The following PTPRM variants were observed in gnomAD, a reference collection of about 807,000 sequenced individuals.
PTPRM encodes receptor-type tyrosine-protein phosphatase mu.
PTPRM carries 47 observed loss-of-function variants against 186.7 expected under a neutral mutation model. That is an observed-to-expected ratio of 0.25 (90% CI 0.20 to 0.32). The LOEUF is 0.32. PTPRM is among the 10% of genes least tolerant of loss of function. The pLI is 1.00. For synonymous variants in PTPRM, 668 were observed against 674.9 expected (o/e 0.99, Z 0.16); for missense variants, 1,494 against 1,865.0 (o/e 0.80, Z 3.66).
chr18:8,133,230 A>G (rs113432522), intron 13 of PTPRM, among the ~76,000 whole-genome samples: 19 of 152,292 alleles, frequency 1.2e-4, no homozygotes, highest in Non-Finnish European at 2.6e-4. Context: ...CTAAATTTGC[A>G]ACATGAATTT....
intron 13 of PTPRM, among the ~76,000 whole-genome samples, chr18:8,137,492 C>T (rs1180005889): frequency 6.6e-6 from 1 of 152,180 alleles, no homozygotes; most frequent in Non-Finnish European, 1.5e-5. Context: ...GGGCAGTAGC[C>T]TTCCCATGGC....
chr18:7,812,676 A>G (rs1219724682), intron 2 of PTPRM, among the ~76,000 whole-genome samples: 5 of 152,022 alleles, frequency 3.3e-5, no homozygotes, highest in African/African-American at 9.7e-5. Context: ...TAAAATATCT[A>G]CTTGCCAACT....
intron 7 of PTPRM, among the ~76,000 whole-genome samples, chr18:8,037,028 T>C (rs1274126231): frequency 6.6e-6 from 1 of 152,166 alleles, no homozygotes; most frequent in Non-Finnish European, 1.5e-5. Context: ...AAAGAAATCA[T>C]TCCCTAAGCA....
intron 7 of PTPRM, among the ~76,000 whole-genome samples, chr18:8,052,780 A>G (rs1308988101): frequency 2.0e-5 from 3 of 152,206 alleles, no homozygotes; most frequent in African/African-American, 7.2e-5. Flanking sequence ...TAGTGGCTGT[A>G]CCAATCCCAC....
At chr18:8,152,710 C>T (rs1427572026) in intron 14 of PTPRM, among the ~76,000 whole-genome samples, 3 of 130,070 alleles carry the variant, frequency 2.3e-5, no homozygotes, top group African/African-American at 8.7e-5. Context: ...TATGCCTCAC[C>T]TCTTTTTTTT....
intron 23 of PTPRM, among the ~76,000 whole-genome samples, chr18:8,345,903 G>A (rs2095502178): frequency 6.6e-6 from 1 of 152,030 alleles, no homozygotes; most frequent in Non-Finnish European, 1.5e-5. Flanking sequence ...TAAGGAATAG[G>A]ATAGGAAAAT....
intron 1 of PTPRM, among the ~76,000 whole-genome samples, chr18:7,694,923 A>G (rs762858027): frequency 3.3e-5 from 5 of 152,252 alleles, no homozygotes; most frequent in Non-Finnish European, 5.9e-5. Flanking sequence ...TTGAAGGCTT[A>G]CTGACGACTT....
At chr18:8,274,138 T>C (rs766405824) in intron 19 of PTPRM, among the ~76,000 whole-genome samples, 1 of 152,176 alleles carries the variant, frequency 6.6e-6, no homozygotes, top group African/African-American at 2.4e-5. Context: ...GACTAAATCT[T>C]GTATAGAGTT....
At chr18:8,127,141 A>C (rs1426836922) in intron 13 of PTPRM, among the ~76,000 whole-genome samples, 2 of 152,156 alleles carry the variant, frequency 1.3e-5, no homozygotes, top group Non-Finnish European at 2.9e-5. Context: ...GAAATGGAAG[A>C]CTGTCCAACA....
chr18:8,207,932 T>C (rs926155050), intron 14 of PTPRM, among the ~76,000 whole-genome samples: 6 of 152,230 alleles, frequency 3.9e-5, no homozygotes, highest in Non-Finnish European at 8.8e-5. Context: ...GAAAAATGTT[T>C]GGCAGTTTGA....
At chr18:8,394,416 G>T in intron 31 of PTPRM, 60 bp from the exon 32 acceptor site, 1 of 1,517,468 alleles carries the variant, frequency 6.6e-7, no homozygotes, top group South Asian at 1.3e-5. Context: ...TTCCACAGGT[G>T]TTTGCAAGAT....
intron 1 of PTPRM, among the ~76,000 whole-genome samples, chr18:7,580,237 G>A (rs1321396550): frequency 3.9e-5 from 6 of 152,252 alleles, no homozygotes; most frequent in African/African-American, 1.4e-4. Context: ...TTGGATCATT[G>A]GGTCATTTTT....
At chr18:7,779,772 T>A (rs986146146) in intron 2 of PTPRM, among the ~76,000 whole-genome samples, 2 of 152,226 alleles carry the variant, frequency 1.3e-5, no homozygotes, top group Non-Finnish European at 2.9e-5. Flanking sequence ...CTAATTATCC[T>A]ATTCATTCTT....
At chr18:8,375,366 C>T (rs1210812114) in intron 24 of PTPRM, among the ~76,000 whole-genome samples, 2 of 152,218 alleles carry the variant, frequency 1.3e-5, no homozygotes, top group African/African-American at 2.4e-5. Context: ...GCCCTAGCAC[C>T]TCCCATAATG....
chr18:8,368,027 G>A (rs927875854), intron 23 of PTPRM, among the ~76,000 whole-genome samples: 1 of 151,986 alleles, frequency 6.6e-6, no homozygotes, highest in Non-Finnish European at 1.5e-5. Context: ...GTCATTTTCA[G>A]AGAAATAAAT....
rs117512688 is a variant in PTPRM, at chr18:8,007,907, C to G, written c.1132+52493C>G. Among the ~76,000 whole-genome samples, 865 of 152,256 alleles carry G rather than the reference C, an allele frequency of 5.7e-3. 6 individuals are homozygous for G. Among genetic ancestry groups the G allele is most frequent in the Non-Finnish European group, 0.01 (706 of 68,022 alleles). ...AAAAGACGTTAGGAGAGGAATCGAT[C>G]TTTTTTATTCATTGAGTTCCCCTTG... On this transcript the variant is annotated intron_variant, in intron 7 of 32. Transcript: ENST00000580170.
At chr18:8,386,920 C>A in intron 30 of PTPRM, 152 bp from the exon 31 acceptor site, 1 of 775,004 alleles carries the variant, frequency 1.3e-6, no homozygotes, top group Non-Finnish European at 2.1e-6. Flanking sequence ...AAAACCATAA[C>A]TCTTCAGGCC....
At chr18:8,050,331 A>G (rs2087389962) in intron 7 of PTPRM, among the ~76,000 whole-genome samples, 1 of 152,224 alleles carries the variant, frequency 6.6e-6, no homozygotes, top group Non-Finnish European at 1.5e-5. Flanking sequence ...ATTGTTGCAG[A>G]TGAACTGTCA....
chr18:8,244,462 C>T lies in PTPRM; in HGVS notation c.2452+253C>T, dbSNP rs181619758. Among the ~76,000 whole-genome samples, 973 of 152,196 alleles carry T rather than the reference C, an allele frequency of 6.4e-3. 9 individuals carry two copies. Among genetic ancestry groups the T allele is most frequent in the Admixed American group, 0.012 (190 of 15,290 alleles). On this transcript the variant is annotated intron_variant, in intron 15 of 32. Transcript: ENST00000580170. ...TGTAAAGATTTAGAGAGCAGTGACA[C>T]GAGGCTTTCCTTCTTTTGAGGAAGA... is the stretch of plus-strand genomic sequence containing the variant.
Sources: gnomAD v4.1 joint callset for allele counts (sites outside exome capture counted in the v4.1 genomes callset) on GRCh38, gnomAD v4.1.1 for gene constraint, MANE v1.5 for transcripts, NCBI Gene and HGNC (gene_info 2026-07-23, HGNC 2026-07-21) for gene names.